The following ISM1 variants were observed in gnomAD, a reference collection of about 807,000 sequenced individuals.
ISM1 encodes the protein isthmin 1.
Under a neutral mutation model 46.3 loss-of-function variants are expected in ISM1, and 25 were observed. That is an observed-to-expected ratio of 0.54 (90% CI 0.39 to 0.75). The LOEUF (loss-of-function observed/expected upper bound fraction) is 0.75. Among genes scored for constraint, ISM1 ranks in the 30% least tolerant of loss-of-function variants. The probability of loss-of-function intolerance (pLI) is 0.00; values close to 1 mark genes in which losing one functional copy is unlikely to be tolerated. For synonymous variants in ISM1, 255 were observed against 256.7 expected (o/e 0.99, Z 0.06); for missense variants, 536 against 625.4 (o/e 0.86, Z 1.52).
chr20:13,289,508 T>C (rs1294935801), intron 4 of ISM1, among the ~76,000 whole-genome samples: 1 of 152,206 alleles, frequency 6.6e-6, no homozygotes, highest in Non-Finnish European at 1.5e-5. Flanking sequence ...TCAACAATAA[T>C]TGTGATTGAC....
At position 13,288,673 on chromosome 20, in the gene ISM1, A is replaced by C; in HGVS notation, c.777A>C (p.Pro259=). 6.2e-7 allele frequency: 1 copy of C among 1,613,788 alleles called. No individual in the cohort carries two copies. The highest frequency in any genetic ancestry group is 8.5e-7 in the Non-Finnish European group (1 of 1,179,698). Residue 259 remains proline, a synonymous_variant, in exon 4 of 6, where the codon CCA becomes CCC. Coordinates refer to ENST00000262487, the MANE Select transcript of ISM1 (RefSeq NM_080826.2). ...CAGAATCGAGGACCTGTGACCGTCCAAACTGCCCAGGTGCGTTTACCTGAG... is the reference window on the plus strand; with the variant it reads ...CAGAATCGAGGACCTGTGACCGTCCCAACTGCCCAGGTGCGTTTACCTGAG... ...TATESRTCDR[P]NCPGIEDTFR...
At chr20:13,309,757 T>C in the ISM1 span, among the ~76,000 whole-genome samples, 1 of 151,882 alleles carries the variant, frequency 6.6e-6, no homozygotes, top group Non-Finnish European at 1.5e-5. Context: ...AGTCATAGGA[T>C]ACAAAATTAA....
At chr20:13,309,675 T>C in the ISM1 span, among the ~76,000 whole-genome samples, 1 of 152,174 alleles carries the variant, frequency 6.6e-6, no homozygotes, top group African/African-American at 2.4e-5. Flanking sequence ...TTGCAGATGG[T>C]ATTATCTTAT....
At chr20:13,276,740 G>A (rs189207179) in intron 2 of ISM1, among the ~76,000 whole-genome samples, 1 of 152,134 alleles carries the variant, frequency 6.6e-6, no homozygotes, top group Non-Finnish European at 1.5e-5. Context: ...TTTATCAACG[G>A]ATTCTTTGAT....
chr20:13,300,782 G>C (rs1244357768), downstream of ISM1: 1 of 152,174 alleles, frequency 6.6e-6, no homozygotes, highest in Non-Finnish European at 1.5e-5. Flanking sequence ...CATGATTGTG[G>C]GTGGTGTAAG....
At chr20:13,255,700 G>A (rs2039920401) in intron 1 of ISM1, among the ~76,000 whole-genome samples, 1 of 152,162 alleles carries the variant, frequency 6.6e-6, no homozygotes, top group Admixed American at 6.5e-5. Context: ...CCTCTGGGAA[G>A]ACAATATCAC....
chr20:13,313,008 G>A, the ISM1 span, among the ~76,000 whole-genome samples: 27 of 152,114 alleles, frequency 1.8e-4, no homozygotes, highest in Admixed American at 5.2e-4. Flanking sequence ...CCTCATCTGC[G>A]CATCTTCCAA....
downstream of ISM1, among the ~76,000 whole-genome samples, chr20:13,304,591 C>G (rs923150479): frequency 1.3e-5 from 2 of 152,150 alleles, no homozygotes; most frequent in African/African-American, 4.8e-5. Context: ...TTTCCATCAT[C>G]GTGGAGCCCA....
In ISM1 at chr20:13,221,775, G is replaced by A. The variant is rs1600467720; in HGVS notation, c.-2G>A. ...GGTCCTAAAGCCGCGCGTCTCAAAA[G>A]GATGGTGCGCCTGGCGGCCGAGCTG... On this transcript the variant is annotated 5_prime_UTR_variant, in exon 1 of 6. Transcript: ENST00000262487. 1 of 1,446,010 alleles carries A rather than the reference G, an allele frequency of 6.9e-7. No individual in the cohort carries two copies. Among genetic ancestry groups the A allele is most frequent in the Non-Finnish European group, 9.1e-7 (1 of 1,104,604 alleles). The allele number at this position is 1,446,010 out of a possible 1,614,324, so 89.6% of individuals were successfully genotyped here.
chr20:13,278,288 A>C (rs2040202772), intron 2 of ISM1, among the ~76,000 whole-genome samples: 1 of 152,190 alleles, frequency 6.6e-6, no homozygotes, highest in South Asian at 2.1e-4. Context: ...TCTGAGAACA[A>C]GTTCTAGCTT....
intron 5 of ISM1, among the ~76,000 whole-genome samples, chr20:13,293,371 CT>C (rs370143930): frequency 2.2e-4 from 33 of 152,248 alleles, no homozygotes; most frequent in African/African-American, 7.5e-4. Flanking sequence ...GCTTTATGTG[CT>C]TCTCTATATA....
At chr20:13,244,794 G>C (rs1376762971) in intron 1 of ISM1, among the ~76,000 whole-genome samples, 1 of 152,166 alleles carries the variant, frequency 6.6e-6, no homozygotes, top group Non-Finnish European at 1.5e-5. Flanking sequence ...ATGTGTAAAA[G>C]GGAAAGGTGT....
intron 1 of ISM1, among the ~76,000 whole-genome samples, chr20:13,247,517 G>GGGGTGTGTGTGTGTGT (rs1183213178): frequency 4.3e-5 from 6 of 139,912 alleles, no homozygotes; most frequent in African/African-American, 1.3e-4. Context: ...CAAAGTGAGG[G>GGGGTGTGTGTGTGTGT]GTGTGTGTGT....
At chr20:13,228,321 C>A (rs1419388933) in intron 1 of ISM1, among the ~76,000 whole-genome samples, 1 of 152,022 alleles carries the variant, frequency 6.6e-6, no homozygotes, top group Non-Finnish European at 1.5e-5. Flanking sequence ...TTTGCTAGAA[C>A]ACAGTTTCAA....
intron 1 of ISM1, among the ~76,000 whole-genome samples, chr20:13,268,463 A>G (rs1207054433): frequency 1.3e-5 from 2 of 149,668 alleles, no homozygotes; most frequent in African/African-American, 4.9e-5. Flanking sequence ...ATGTCTCAAA[A>G]TGTCAGGGCA....
chr20:13,254,309 T>G (rs1027412512), intron 1 of ISM1, among the ~76,000 whole-genome samples: 1 of 151,960 alleles, frequency 6.6e-6, no homozygotes. Context: ...TATAACCATA[T>G]ACATATACTT....
intron 1 of ISM1, chr20:13,243,916 T>C (rs1361228597): frequency 6.6e-6 from 1 of 152,206 alleles, no homozygotes; most frequent in Non-Finnish European, 1.5e-5. Flanking sequence ...GATGGAATTG[T>C]TTCTCAATTT....
At chr20:13,269,917 A>ATGGGTGTG in intron 1 of ISM1, among the ~76,000 whole-genome samples, 1 of 136,624 alleles carries the variant, frequency 7.3e-6, no homozygotes, top group East Asian at 2.2e-4. Flanking sequence ...GATTGGATGG[A>ATGGGTGTG]TGGGTGTGTG....
chr20:13,289,338 G>T (rs2040328289), intron 4 of ISM1, among the ~76,000 whole-genome samples: 1 of 152,168 alleles, frequency 6.6e-6, no homozygotes, highest in East Asian at 1.9e-4. Flanking sequence ...ACAACCATCT[G>T]CAGGAAAAAG....
Sources: gnomAD v4.1 joint callset for allele counts (sites outside exome capture counted in the v4.1 genomes callset) on GRCh38, gnomAD v4.1.1 for gene constraint, MANE v1.5 for transcripts, NCBI Gene and HGNC (gene_info 2026-07-23, HGNC 2026-07-21) for gene names.